The following TMEM132D variants were observed in gnomAD, a reference collection of about 807,000 sequenced individuals.
TMEM132D encodes transmembrane protein 132D.
A neutral mutation model predicts 62.3 loss-of-function variants in TMEM132D; 21 were observed. The ratio of observed to expected loss-of-function variants is 0.34; its 90% CI spans 0.24 to 0.49. The LOEUF is 0.49. Ranked by LOEUF, TMEM132D falls within the 20% of genes least tolerant of loss-of-function variation. The probability of loss-of-function intolerance (pLI) is 0.99; values close to 1 mark genes in which losing one functional copy is unlikely to be tolerated. For synonymous variants in TMEM132D, 621 were observed against 575.6 expected (o/e 1.08, Z -1.13); for missense variants, 1,346 against 1,402.8 (o/e 0.96, Z 0.65).
chr12:129,496,813 A>G (rs1345509703), intron 3 of TMEM132D, among the ~76,000 whole-genome samples: 2 of 152,106 alleles, frequency 1.3e-5, no homozygotes, highest in Non-Finnish European at 2.9e-5. Context: ...CTCACTAATT[A>G]CCCTGGGCTG....
intron 1 of TMEM132D, among the ~76,000 whole-genome samples, chr12:129,756,241 T>A (rs191520409): frequency 6.6e-6 from 1 of 152,294 alleles, no homozygotes; most frequent in African/African-American, 2.4e-5. Context: ...AATACCATAC[T>A]GTACACTTAA....
chr12:129,868,301 T>C (rs1336500056), intron 1 of TMEM132D, among the ~76,000 whole-genome samples: 1 of 152,234 alleles, frequency 6.6e-6, no homozygotes. Context: ...AGCGTTTATA[T>C]GGTACATACA....
chr12:129,342,755 AG>A (rs1246259304), intron 3 of TMEM132D, among the ~76,000 whole-genome samples: 2 of 152,210 alleles, frequency 1.3e-5, no homozygotes, highest in African/African-American at 2.4e-5. Context: ...CCCATCAAAA[AG>A]TGGGCGAAGG....
chr12:129,891,061 C>G (rs1874907528), intron 1 of TMEM132D, among the ~76,000 whole-genome samples: 1 of 152,108 alleles, frequency 6.6e-6, no homozygotes, highest in African/African-American at 2.4e-5. Context: ...GCCCAAACAG[C>G]AGGTCCTAGA....
intron 2 of TMEM132D, among the ~76,000 whole-genome samples, chr12:129,605,288 G>T (rs1021568882): frequency 1.3e-5 from 2 of 151,952 alleles, no homozygotes; most frequent in African/African-American, 2.4e-5. Context: ...TTTTACCACG[G>T]TATTGTAGAT....
chr12:129,758,049 C>T (rs1205201898), intron 1 of TMEM132D, among the ~76,000 whole-genome samples: 1 of 151,974 alleles, frequency 6.6e-6, no homozygotes, highest in Non-Finnish European at 1.5e-5. Context: ...ATTACAGGTG[C>T]CTGCCACCAT....
chr12:129,522,290 A>G (rs1193029587), intron 3 of TMEM132D, among the ~76,000 whole-genome samples: 1 of 152,202 alleles, frequency 6.6e-6, no homozygotes, highest in African/African-American at 2.4e-5. Flanking sequence ...AAGAAACAAC[A>G]CTTAGAATGA....
intron 1 of TMEM132D, among the ~76,000 whole-genome samples, chr12:129,709,665 A>G (rs1350039637): frequency 6.6e-6 from 1 of 152,188 alleles, no homozygotes; most frequent in Non-Finnish European, 1.5e-5. Flanking sequence ...TAATGCCTTT[A>G]ATGCATGTTT....
intron 5 of TMEM132D, among the ~76,000 whole-genome samples, chr12:129,168,125 T>A (rs1372403907): frequency 1.3e-5 from 2 of 152,196 alleles, no homozygotes; most frequent in Non-Finnish European, 2.9e-5. Context: ...TTGGAAAATG[T>A]GTTCCCTTTT....
chr12:129,676,130 T>C (rs1220678666), intron 2 of TMEM132D, among the ~76,000 whole-genome samples: 1 of 152,082 alleles, frequency 6.6e-6, no homozygotes, highest in African/African-American at 2.4e-5. Flanking sequence ...GAGACCACAA[T>C]GGCCAAAGCA....
intron 2 of TMEM132D, among the ~76,000 whole-genome samples, chr12:129,541,227 A>T (rs1876574238): frequency 1.3e-5 from 2 of 152,214 alleles, no homozygotes; most frequent in South Asian, 4.1e-4. Flanking sequence ...GCAGGCAGGC[A>T]GAAGGGAAAT....
chr12:129,608,233 G>A (rs765476085), intron 2 of TMEM132D, among the ~76,000 whole-genome samples: 4 of 152,144 alleles, frequency 2.6e-5, no homozygotes, highest in Admixed American at 6.5e-5. Flanking sequence ...TTCAATTAAC[G>A]GACCAGAAGA....
intron 2 of TMEM132D, among the ~76,000 whole-genome samples, chr12:129,684,651 A>G (rs1023754688): frequency 3.3e-5 from 5 of 152,116 alleles, no homozygotes; most frequent in Non-Finnish European, 5.9e-5. Context: ...GAAGAAGAAC[A>G]GGAAAATGTT....
At chr12:129,783,615 A>C (rs1043084080) in intron 1 of TMEM132D, among the ~76,000 whole-genome samples, 2 of 152,176 alleles carry the variant, frequency 1.3e-5, no homozygotes, top group Non-Finnish European at 2.9e-5. Flanking sequence ...AAGTGGCCTC[A>C]TTTATTCAAG....
chr12:129,883,465 T>C (rs1168856153), intron 1 of TMEM132D, among the ~76,000 whole-genome samples: 1 of 152,196 alleles, frequency 6.6e-6, no homozygotes, highest in East Asian at 1.9e-4. Flanking sequence ...TTGAGGTGGA[T>C]TTTCTGCAGG....
intron 3 of TMEM132D, among the ~76,000 whole-genome samples, chr12:129,527,590 A>T (rs529426656): frequency 3.9e-5 from 6 of 152,250 alleles, no homozygotes; most frequent in African/African-American, 1.4e-4. Context: ...TTTCTACGTG[A>T]CACCTAAAAT....
At chr12:129,703,844 G>A (rs264466) in intron 1 of TMEM132D, among the ~76,000 whole-genome samples, 143,706 of 151,546 alleles carry the variant, frequency 0.95, 68,590 homozygotes, top group East Asian at 1. Context: ...AAATATGGGA[G>A]GAAGGCAATT....
chr12:129,401,752 C>G (rs971086238), intron 3 of TMEM132D, among the ~76,000 whole-genome samples: 1 of 152,150 alleles, frequency 6.6e-6, no homozygotes, highest in African/African-American at 2.4e-5. Flanking sequence ...GAGCCCAGCC[C>G]TCTCGCTCCA....
intron 1 of TMEM132D, among the ~76,000 whole-genome samples, chr12:129,788,711 C>T (rs528567580): frequency 6.6e-6 from 1 of 152,276 alleles, no homozygotes; most frequent in East Asian, 1.9e-4. Context: ...GTGCCAGACA[C>T]TATACCAGGG....
Sources: allele counts gnomAD v4.1 joint callset (sites outside exome capture counted in the v4.1 genomes callset), GRCh38; gene constraint gnomAD v4.1.1; transcripts MANE v1.5; gene names NCBI Gene and HGNC (gene_info 2026-07-23, HGNC 2026-07-21).